The following MYCT1 variants were observed in gnomAD, a reference collection of about 807,000 sequenced individuals.
MYCT1 encodes the protein myc target protein 1.
A neutral mutation model predicts 15.0 loss-of-function variants in MYCT1; 12 were observed. The observed-to-expected ratio is 0.80, with a 90% CI of 0.51 to 1.29. The LOEUF (loss-of-function observed/expected upper bound fraction) is 1.29. Among genes scored for constraint, MYCT1 ranks in the 50% most tolerant of loss-of-function variants. The probability of loss-of-function intolerance (pLI) is 0.00; values close to 1 mark genes in which losing one functional copy is unlikely to be tolerated. For missense variants in MYCT1, 287 were observed against 279.1 expected (o/e 1.03, Z -0.20); for synonymous variants, 104 against 102.7 (o/e 1.01, Z -0.07).
At chr6:152,721,624 T>A (rs2099724716) in intron 1 of MYCT1, 118 bp from the exon 2 acceptor site, 3 of 966,326 alleles carry the variant, frequency 3.1e-6, no homozygotes, top group Middle Eastern at 2.7e-4. Context: ...ATTTCCCTAA[T>A]TCAAAGTATG....
intron 1 of MYCT1, among the ~76,000 whole-genome samples, chr6:152,713,237 C>A (rs981987225): frequency 2.0e-5 from 3 of 151,766 alleles, no homozygotes; most frequent in Non-Finnish European, 4.4e-5. Context: ...TTTAGAATAT[C>A]CATTTTGTTA....
At chr6:152,747,082 T>C in the MYCT1 span, among the ~76,000 whole-genome samples, 1 of 152,050 alleles carries the variant, frequency 6.6e-6, no homozygotes, top group African/African-American at 2.4e-5. Flanking sequence ...ATCCTGAAAA[T>C]AAGTTCAAAT....
At position 152,722,005 on chromosome 6, in the gene MYCT1, A is replaced by G; in HGVS notation, c.460A>G (p.Asn154Asp). Residue 154 changes from asparagine (N) to aspartate (D), a missense_variant, in exon 2 of 2, where the codon AAT (asparagine) becomes GAT (aspartate). Coordinates refer to ENST00000367245, the MANE Select transcript of MYCT1 (RefSeq NM_025107.3). ...GCGACAAGCTTCCCTGGAACAAGCA[A>G]ATTCCTTTCCAAGAAAATCAAGTTT... ...FQRQASLEQANSFPRKSSFRA... is the reference protein window; with the variant it reads ...FQRQASLEQADSFPRKSSFRA... 1 of 1,614,148 alleles carries G rather than the reference A, an allele frequency of 6.2e-7. No individual in the cohort carries two copies. The highest frequency in any genetic ancestry group is 8.5e-7 in the Non-Finnish European group (1 of 1,180,028).
At chr6:152,744,595 C>A in the MYCT1 span, among the ~76,000 whole-genome samples, 144 of 152,226 alleles carry the variant, frequency 9.5e-4, 1 homozygote, top group African/African-American at 3.4e-3. Flanking sequence ...AGAGAGGCCA[C>A]CCTGCAGAAA....
rs769228771 is a variant in MYCT1, at chr6:152,721,787, T to C, written c.242T>C (p.Val81Ala). Residue 81 changes from valine (V) to alanine (A), a missense_variant, in exon 2 of 2, where the codon GTA becomes GCA. Val to Ala is a moderately conservative substitution (Grantham distance 64). Coordinates refer to ENST00000367245, the MANE Select transcript of MYCT1 (RefSeq NM_025107.3). ...SFTVSMAIGLVLGGFIWAVFI... is the reference protein window; with the variant it reads ...SFTVSMAIGLALGGFIWAVFI... ...ACTGTATCCATGGCAATCGGGCTGG[T>C]ACTTGGAGGATTTATTTGGGCTGTG... 1.9e-6 allele frequency: 3 copies of C among 1,614,112 alleles called. No individual in the cohort carries two copies. Among genetic ancestry groups the C allele is most frequent in the Non-Finnish European group, 2.5e-6 (3 of 1,180,008 alleles).
the MYCT1 span, among the ~76,000 whole-genome samples, chr6:152,746,587 TG>T: frequency 1.3e-5 from 2 of 152,164 alleles, no homozygotes; most frequent in African/African-American, 4.8e-5. Context: ...CTCTATGTGG[TG>T]GGGGAACATA....
the MYCT1 span, among the ~76,000 whole-genome samples, chr6:152,740,290 T>C: frequency 6.6e-6 from 1 of 152,120 alleles, no homozygotes; most frequent in African/African-American, 2.4e-5. Flanking sequence ...CCTCAGGGCA[T>C]TGGCCCACCT....
At chr6:152,736,034 G>T in the MYCT1 span, among the ~76,000 whole-genome samples, 1 of 152,060 alleles carries the variant, frequency 6.6e-6, no homozygotes, top group Non-Finnish European at 1.5e-5. Flanking sequence ...GGGCCAAGGG[G>T]AAGCAAAGTG....
At chr6:152,734,695 T>C in the MYCT1 span, among the ~76,000 whole-genome samples, 3 of 152,182 alleles carry the variant, frequency 2.0e-5, no homozygotes, top group African/African-American at 4.8e-5. Context: ...TGTTTCATTC[T>C]ATTAGGTTAA....
intron 1 of MYCT1, among the ~76,000 whole-genome samples, chr6:152,717,026 G>T (rs1041439643): frequency 2.0e-5 from 3 of 151,780 alleles, no homozygotes; most frequent in Non-Finnish European, 2.9e-5. Context: ...TTTAAAAAAG[G>T]CTCCCAAAAT....
intron 1 of MYCT1, among the ~76,000 whole-genome samples, chr6:152,713,496 A>C (rs564619376): frequency 1.2e-4 from 19 of 152,100 alleles, no homozygotes; most frequent in African/African-American, 3.6e-4. Context: ...GGATTCTGCT[A>C]TATTACCCTG....
At chr6:152,705,918 G>A in intron 1 of MYCT1, 1 of 766,378 alleles carries the variant, frequency 1.3e-6, no homozygotes, top group Non-Finnish European at 2.4e-6. Flanking sequence ...TGGTTACGAT[G>A]CTATGGTCAG....
downstream of MYCT1, among the ~76,000 whole-genome samples, chr6:152,726,359 T>G (rs2099725649): frequency 6.7e-6 from 1 of 148,734 alleles, no homozygotes; most frequent in Non-Finnish European, 1.5e-5. Context: ...ATTGTGCAAT[T>G]GAATTCCAGC....
intron 1 of MYCT1, chr6:152,705,594 T>A (rs1011605504): frequency 6.3e-6 from 1 of 158,966 alleles, no homozygotes; most frequent in Non-Finnish European, 1.4e-5. Context: ...AGATGGTCCC[T>A]GACTTATGAT....
Position 152,702,613 on chromosome 6 carries a change from C to T in MYCT1, c.196+4515C>T, listed in dbSNP as rs554819165. On this transcript the variant is annotated intron_variant, in intron 1 of 1. Coordinates refer to ENST00000367245, the MANE Select transcript of MYCT1 (RefSeq NM_025107.3). ...AGAAAAATATGGCCCTTAGGGACCA[C>T]CCCAGCAGATGGGCATAGGATGTTC... Among the ~76,000 whole-genome samples, 6 of 152,180 alleles carry T rather than the reference C, an allele frequency of 3.9e-5. No individual in the cohort carries two copies. The East Asian group carries it at 9.7e-4, about 25-fold the overall frequency.
the MYCT1 span, among the ~76,000 whole-genome samples, chr6:152,732,371 T>C: frequency 6.6e-6 from 1 of 152,104 alleles, no homozygotes; most frequent in Non-Finnish European, 1.5e-5. Context: ...TATGGGAAAT[T>C]AGTTATGATG....
At chr6:152,698,289 T>A (rs2099720757) in intron 1 of MYCT1, among the ~76,000 whole-genome samples, 191 bp downstream of exon 1, 1 of 151,388 alleles carries the variant, frequency 6.6e-6, no homozygotes. Flanking sequence ...GATATAAATA[T>A]ATACTTATAT....
rs942023923 is a variant in MYCT1, at chr6:152,717,112, C to T, written c.197-4630C>T. 5.9e-5 allele frequency among the ~76,000 whole-genome samples: 9 copies of T among 152,098 alleles called. No homozygotes were observed. In the East Asian group the frequency reaches 1.7e-3, roughly 29 times the overall value. On this transcript the variant is annotated intron_variant, in intron 1 of 1. Coordinates refer to ENST00000367245, the MANE Select transcript of MYCT1 (RefSeq NM_025107.3). ...CTGTATGACCAGTAGATGCTGCTTTCATCACACAGTTTCTAAATTCTAGTT... is the reference window on the plus strand; with the variant it reads ...CTGTATGACCAGTAGATGCTGCTTTTATCACACAGTTTCTAAATTCTAGTT...
the MYCT1 span, among the ~76,000 whole-genome samples, chr6:152,731,357 G>A: frequency 2.2e-4 from 33 of 152,136 alleles, no homozygotes; most frequent in Middle Eastern, 3.4e-3. Context: ...AGCTCAAAGC[G>A]GTTTTAGTTT....
Sources: gnomAD v4.1 joint callset for allele counts (sites outside exome capture counted in the v4.1 genomes callset) on GRCh38, gnomAD v4.1.1 for gene constraint, MANE v1.5 for transcripts, NCBI Gene and HGNC (gene_info 2026-07-23, HGNC 2026-07-21) for gene names.